The following TACC1 variants were observed in gnomAD, a reference collection of about 807,000 sequenced individuals.
TACC1 encodes the protein transforming acidic coiled-coil containing protein 1.
Under a neutral mutation model 84.4 loss-of-function variants are expected in TACC1, and 48 were observed. That is an observed-to-expected ratio of 0.57 (90% confidence interval 0.45 to 0.72). TACC1 has a LOEUF of 0.72. Among genes scored for constraint, TACC1 ranks in the 30% least tolerant of loss-of-function variants. The pLI, the probability that TACC1 is intolerant of heterozygous loss-of-function variation, is 0.00. For missense variants in TACC1, 920 were observed against 973.0 expected (o/e 0.95, Z 0.72); for synonymous variants, 372 against 376.3 (o/e 0.99, Z 0.13).
At chr8:38,758,381 A>G (rs1810524382) in intron 3 of TACC1, among the ~76,000 whole-genome samples, 1 of 152,202 alleles carries the variant, frequency 6.6e-6, no homozygotes, top group Non-Finnish European at 1.5e-5. Context: ...CAGCTTATTA[A>G]TAAGAATAGC....
chr8:38,826,838 G>A (rs1828172324), intron 4 of TACC1, among the ~76,000 whole-genome samples: 1 of 151,892 alleles, frequency 6.6e-6, no homozygotes, highest in Non-Finnish European at 1.5e-5. Flanking sequence ...AAATGCAATG[G>A]GGGACATAGA....
intron 2 of TACC1, among the ~76,000 whole-genome samples, chr8:38,796,694 G>A (rs1264946271): frequency 1.3e-5 from 2 of 152,160 alleles, no homozygotes; most frequent in East Asian, 1.9e-4. Context: ...AAATAAAGAA[G>A]GAGTAGACAA....
rs1587587988 is a variant in TACC1 at position 38,779,465 on chromosome 8, C to T, written c.27-9239C>T. ...GGTGAGCACTGCTAGGCCTGCTCTC[C>T]GCCCTTTTCCACCCTCCGGGTGTCT... On this transcript the variant is annotated intron_variant, in intron 3 of 14. Transcript: ENST00000518415. Among the ~76,000 whole-genome samples the T allele has an allele frequency of 3.9e-5, 6 of 152,344 alleles. 1 individual carries two copies. The South Asian group carries it at 1.2e-3, about 32-fold the overall frequency.
At chr8:38,847,590 T>A (rs1832553931) in intron 12 of TACC1, among the ~76,000 whole-genome samples, 1 of 152,200 alleles carries the variant, frequency 6.6e-6, no homozygotes, top group Non-Finnish European at 1.5e-5. Context: ...CCTGGGAGAT[T>A]CAGACTCCAG....
At chr8:38,827,831 A>G (rs1338442899) in intron 5 of TACC1, 1 of 163,262 alleles carries the variant, frequency 6.1e-6, no homozygotes, top group East Asian at 1.8e-4. Flanking sequence ...TCATGGTGGA[A>G]GGCAAGGGGG....
At chr8:38,734,747 G>C (rs1486165918) in intron 1 of TACC1, among the ~76,000 whole-genome samples, 1 of 152,254 alleles carries the variant, frequency 6.6e-6, no homozygotes, top group African/African-American at 2.4e-5. Flanking sequence ...CGCGTTGCTG[G>C]CCAGCCTGAG....
chr8:38,762,489 T>G (rs2151823705), intron 3 of TACC1, among the ~76,000 whole-genome samples: 1 of 152,340 alleles, frequency 6.6e-6, no homozygotes, highest in East Asian at 1.9e-4. Context: ...ATTGTGTATA[T>G]ATACCACATT....
intron 1 of TACC1, chr8:38,728,816 T>TC (rs1366548748): frequency 6.6e-6 from 1 of 152,302 alleles, no homozygotes; most frequent in Non-Finnish European, 1.5e-5. Flanking sequence ...GAATCTGGAA[T>TC]AAGTTCAGGC....
intron 1 of TACC1, among the ~76,000 whole-genome samples, chr8:38,733,280 C>T (rs1302676012): frequency 1.3e-5 from 2 of 151,894 alleles, no homozygotes; most frequent in Non-Finnish European, 2.9e-5. Flanking sequence ...TACCCTCCAT[C>T]TCTCATATCC....
intron 3 of TACC1, among the ~76,000 whole-genome samples, chr8:38,771,454 A>G (rs1451422284): frequency 6.6e-6 from 1 of 152,174 alleles, no homozygotes; most frequent in Non-Finnish European, 1.5e-5. Context: ...GGAATAGCAA[A>G]CGATGTTCAG....
At chr8:38,823,310 T>G (rs1166577432) in intron 3 of TACC1, among the ~76,000 whole-genome samples, 2 of 152,192 alleles carry the variant, frequency 1.3e-5, no homozygotes, top group African/African-American at 4.8e-5. Flanking sequence ...TATTATTGAT[T>G]GGGTGCCCTC....
chr8:38,787,076 G>C (rs1248425637), upstream of TACC1: 1 of 957,976 alleles, frequency 1.0e-6, no homozygotes, highest in South Asian at 4.8e-5. Flanking sequence ...CGACCAGCGT[G>C]ACGCCGCGGT....
intron 3 of TACC1, among the ~76,000 whole-genome samples, chr8:38,757,762 T>C (rs1024378984): frequency 1.5e-4 from 23 of 152,200 alleles, no homozygotes; most frequent in African/African-American, 5.1e-4. Context: ...GAGTTATTTG[T>C]AGGGAGGTGA....
chr8:38,808,655 C>T (rs1048662920), intron 2 of TACC1, among the ~76,000 whole-genome samples: 1 of 152,304 alleles, frequency 6.6e-6, no homozygotes, highest in Non-Finnish European at 1.5e-5. Context: ...GCTCAAGGAA[C>T]ACCCCCTACT....
chr8:38,770,854 C>G (rs1813471849), intron 3 of TACC1, among the ~76,000 whole-genome samples: 1 of 151,948 alleles, frequency 6.6e-6, no homozygotes, highest in Non-Finnish European at 1.5e-5. Flanking sequence ...AGAGTGAATT[C>G]TGGGAATCTC....
intron 3 of TACC1, among the ~76,000 whole-genome samples, chr8:38,773,722 C>A (rs1009596845): frequency 7.2e-5 from 11 of 151,806 alleles, no homozygotes; most frequent in Non-Finnish European, 1.5e-4. Context: ...GCAGAAGAAA[C>A]AAGATAGGTA....
intron 1 of TACC1, among the ~76,000 whole-genome samples, chr8:38,734,772 T>C (rs1805642269): frequency 6.6e-6 from 1 of 152,224 alleles, no homozygotes. Flanking sequence ...GCACTAGCCA[T>C]AGTTAGCTGC....
chr8:38,737,038 C>A (rs1228988139), intron 1 of TACC1, among the ~76,000 whole-genome samples: 1 of 152,094 alleles, frequency 6.6e-6, no homozygotes, highest in Admixed American at 6.5e-5. Context: ...AGGGTTGGAT[C>A]CTAGAGGTCA....
At chr8:38,773,775 CAG>C (rs1247524996) in intron 3 of TACC1, among the ~76,000 whole-genome samples, 6 of 151,398 alleles carry the variant, frequency 4.0e-5, no homozygotes, top group African/African-American at 1.5e-4. Context: ...TAGGGAAAGA[CAG>C]ATTATAAATA....
Sources: gnomAD v4.1 joint callset for allele counts (sites outside exome capture counted in the v4.1 genomes callset) on GRCh38, gnomAD v4.1.1 for gene constraint, MANE v1.5 for transcripts, NCBI Gene and HGNC (gene_info 2026-07-23, HGNC 2026-07-21) for gene names.